The following MRPL16 variants were observed in gnomAD, a reference collection of about 807,000 sequenced individuals.
MRPL16 encodes the protein mitochondrial ribosomal protein L16.
In MRPL16, 17 loss-of-function variants were observed where a neutral mutation model predicts 22.7. That is an observed-to-expected ratio of 0.75 (90% CI 0.51 to 1.12). The LOEUF (loss-of-function observed/expected upper bound fraction) is 1.12. Ranked by LOEUF, MRPL16 falls within the 50% of genes most tolerant of loss-of-function variation. The probability of loss-of-function intolerance (pLI) is 0.00; values close to 1 mark genes in which losing one functional copy is unlikely to be tolerated. For missense variants in MRPL16, 316 were observed against 328.7 expected (o/e 0.96, Z 0.30); for synonymous variants, 103 against 112.8 (o/e 0.91, Z 0.55).
chr11:59,809,665 G>T, intron 2 of MRPL16, 190 bp downstream of exon 2: 4 of 609,708 alleles, frequency 6.6e-6, no homozygotes, highest in African/African-American at 1.9e-5. Context: ...GAACTTTTTT[G>T]GTTTCCTTTG....
chr11:59,807,670 C>A (rs1450061244), intron 3 of MRPL16, 31 bp downstream of exon 3: 1 of 1,595,142 alleles, frequency 6.3e-7, no homozygotes, highest in South Asian at 1.1e-5. Context: ...TAGCTTCCAT[C>A]CCATTGCTGC....
Position 59,810,662 on chromosome 11 carries a change from C to T in MRPL16, c.-4G>A, listed in dbSNP as rs1448806328. On this transcript the variant is annotated 5_prime_UTR_variant, in exon 1 of 4. Coordinates refer to ENST00000300151, the MANE Select transcript of MRPL16 (RefSeq NM_017840.4). ...CGCGAGCCAGCAGCCTCCACATGGT[C>T]ACGGGCGTCCGGCGGCGCGGAGCTC... 1.9e-6 allele frequency: 3 copies of T among 1,613,918 alleles called. No individual in the cohort carries two copies. The highest frequency in any genetic ancestry group is 2.5e-6 in the Non-Finnish European group (3 of 1,179,886).
rs189951890 is a variant in MRPL16 at position 59,810,353 on chromosome 11, T to G, written c.55+251A>C. ...GAGTCTTGAGGTGTGGGATGCGGAT[T>G]CCACTAAATGGACTCAAAGGCTCAG... On this transcript the variant is annotated intron_variant, in intron 1 of 3. Transcript: ENST00000300151. The G allele has an allele frequency of 1.6e-4, 224 of 1,359,794 alleles. 2 individuals are homozygous for G. The African/African-American group carries it at 2.3e-3, about 14-fold the overall frequency. 84.2% of individuals were successfully genotyped at this position (1,359,794 alleles called of 1,614,324 possible).
intron 2 of MRPL16, among the ~76,000 whole-genome samples, chr11:59,808,476 A>G (rs958565469): frequency 6.6e-6 from 1 of 152,242 alleles, no homozygotes; most frequent in African/African-American, 2.4e-5. Context: ...ACTATTACCC[A>G]GATCAACAAA....
Position 59,806,606 on chromosome 11 carries a change from C to A in MRPL16, c.497G>T (p.Arg166Leu), listed in dbSNP as rs370177555. ...AGRLVVEMGG[R>L]CEFEEVQGFL... ...ACCTTGCACTTCTTCAAATTCACAA[C>A]GCCCACCCATCTCTACAACAAGGCG... Residue 166 changes from arginine to leucine, a missense_variant, in exon 4 of 4, where the codon CGT becomes CTT. By Grantham distance (102) the Arg-to-Leu change is moderately radical. Transcript: ENST00000300151. 1 of 1,614,118 alleles carries A rather than the reference C, an allele frequency of 6.2e-7. No homozygotes were observed. Among genetic ancestry groups the A allele is most frequent in the Non-Finnish European group, 8.5e-7 (1 of 1,180,058 alleles).
intron 2 of MRPL16, chr11:59,809,563 C>A: frequency 3.0e-6 from 1 of 338,814 alleles, no homozygotes; most frequent in South Asian, 3.0e-5. Context: ...AGATTTCAGG[C>A]CAATGACTAC....
chr11:59,810,753 C>T lies in MRPL16; in HGVS notation c.-95G>A, dbSNP rs1866167017. On this transcript the variant is annotated 5_prime_UTR_variant, in exon 1 of 4. Coordinates refer to ENST00000300151, the MANE Select transcript of MRPL16 (RefSeq NM_017840.4). The stretch of plus-strand genomic sequence containing the variant: ...CGGCGCTCCACTACCTAGCTGTAAT[C>T]GGCTCAGGACACCGCTCAGTGGGGC... The T allele has an allele frequency of 7.2e-7, 1 of 1,395,326 alleles. No homozygotes were observed. Among genetic ancestry groups the T allele is most frequent in the South Asian group, 1.2e-5 (1 of 84,482 alleles). The allele number at this position is 1,395,326 out of a possible 1,614,324, so 86.4% of individuals were successfully genotyped here. A position where few individuals can be genotyped will look rare whatever the true frequency, so the allele number is the denominator to read the frequency against.
At chr11:59,807,935 A>C in intron 2 of MRPL16, 86 bp from the exon 3 acceptor site, 1 of 1,382,310 alleles carries the variant, frequency 7.2e-7, no homozygotes, top group Middle Eastern at 2.1e-4. Context: ...AACAGGTGAA[A>C]GTCTTAATTT....
intron 2 of MRPL16, 123 bp from the exon 3 acceptor site, chr11:59,807,972 C>T: frequency 8.6e-7 from 1 of 1,160,596 alleles, no homozygotes; most frequent in Non-Finnish European, 1.2e-6. Context: ...TTGGTAGAGA[C>T]AGGGTCTCAC....
At chr11:59,809,103 C>T (rs757794313) in intron 2 of MRPL16, among the ~76,000 whole-genome samples, 1 of 152,110 alleles carries the variant, frequency 6.6e-6, no homozygotes, top group Non-Finnish European at 1.5e-5. Context: ...ACTTTCAAAA[C>T]GTGGTTTAAC....
At chr11:59,810,565 G>A (rs1485856027) in intron 1 of MRPL16, 39 bp downstream of exon 1, 2 of 1,613,102 alleles carry the variant, frequency 1.2e-6, no homozygotes, top group East Asian at 2.2e-5. Context: ...GGGGGAGGAA[G>A]AGGGGTAAAG....
intron 2 of MRPL16, among the ~76,000 whole-genome samples, chr11:59,808,111 G>A (rs987405037): frequency 6.6e-6 from 1 of 152,202 alleles, no homozygotes; most frequent in Non-Finnish European, 1.5e-5. Context: ...CCACTGAACA[G>A]TAACTGTAAA....
At chr11:59,810,450 C>A in intron 1 of MRPL16, 154 bp downstream of exon 1, 1 of 1,479,650 alleles carries the variant, frequency 6.8e-7, no homozygotes. Flanking sequence ...TTGCACGAAC[C>A]CCTACGGTGG....
At chr11:59,808,343 C>G (rs758933630) in intron 2 of MRPL16, among the ~76,000 whole-genome samples, 2 of 152,150 alleles carry the variant, frequency 1.3e-5, no homozygotes, top group Non-Finnish European at 2.9e-5. Context: ...CCTTGGTATT[C>G]TTTCAGGGCT....
chr11:59,810,737 A>G lies in MRPL16; in HGVS notation c.-79T>C. 1.3e-6 allele frequency: 2 copies of G among 1,546,700 alleles called. No individual in the cohort carries two copies. Among genetic ancestry groups the G allele is most frequent in the Non-Finnish European group, 1.8e-6 (2 of 1,121,636 alleles). Reference sequence around the variant, plus strand: ...GCACCCAGGTAAGCAGCGGCGCTCCACTACCTAGCTGTAATCGGCTCAGGA... The same window carrying G: ...GCACCCAGGTAAGCAGCGGCGCTCCGCTACCTAGCTGTAATCGGCTCAGGA... On this transcript the variant is annotated 5_prime_UTR_variant, in exon 1 of 4. Transcript: ENST00000300151.
In MRPL16 at chr11:59,810,701, G is replaced by A. The variant is rs779062755; in HGVS notation, c.-43C>T. ...GGCGCGGAGCTCCCCCAGCGACTCC[G>A]GCTGTCTCCTGCACCCAGGTAAGCA... On this transcript the variant is annotated 5_prime_UTR_variant, in exon 1 of 4. Transcript: ENST00000300151. The A allele has an allele frequency of 1.8e-4, 292 of 1,612,100 alleles. 2 individuals carry two copies. In the Admixed American group the frequency reaches 4.8e-3, roughly 26 times the overall value.
chr11:59,809,970 G>A (rs1380424243), intron 1 of MRPL16, 50 bp from the exon 2 acceptor site: 6 of 1,469,076 alleles, frequency 4.1e-6, no homozygotes, highest in Non-Finnish European at 5.6e-6. Flanking sequence ...CCGGGACCCC[G>A]ATACAACCTG....
Sources: allele counts gnomAD v4.1 joint callset (sites outside exome capture counted in the v4.1 genomes callset), GRCh38; gene constraint gnomAD v4.1.1; transcripts MANE v1.5; gene names NCBI Gene and HGNC (gene_info 2026-07-23, HGNC 2026-07-21).